SULF2: variants seen among roughly 807,000 people sequenced by gnomAD.
SULF2 encodes extracellular sulfatase Sulf-2.
A neutral mutation model predicts 107.7 loss-of-function variants in SULF2; 52 were observed. The ratio of observed to expected loss-of-function variants is 0.48; its 90% CI spans 0.39 to 0.61. The LOEUF is 0.61. Ranked by LOEUF, SULF2 falls within the 20% of genes least tolerant of loss-of-function variation. The pLI is 0.00. For missense variants in SULF2, 993 were observed against 1,177.3 expected (o/e 0.84, Z 2.29); for synonymous variants, 460 against 464.3 (o/e 0.99, Z 0.12).
At chr20:47,729,266 A>C (rs774036201) in intron 3 of SULF2, among the ~76,000 whole-genome samples, 45 of 152,118 alleles carry the variant, frequency 3.0e-4, no homozygotes, top group Non-Finnish European at 4.7e-4. Context: ...GAGGGTTCAG[A>C]GAGAAGGGAA....
intron 1 of SULF2, among the ~76,000 whole-genome samples, chr20:47,776,641 T>C (rs1002834490): frequency 6.6e-6 from 1 of 152,126 alleles, no homozygotes; most frequent in Non-Finnish European, 1.5e-5. Flanking sequence ...GAGCCCTCAT[T>C]AGAATGTCAC....
At chr20:47,743,783 T>C (rs1410686887) in intron 2 of SULF2, among the ~76,000 whole-genome samples, 1 of 152,158 alleles carries the variant, frequency 6.6e-6, no homozygotes, top group East Asian at 1.9e-4. Flanking sequence ...GTGCGCTCTC[T>C]CTCTAAGCTT....
At chr20:47,689,865 T>C (rs2088137164) in intron 5 of SULF2, 2 of 353,474 alleles carry the variant, frequency 5.7e-6, no homozygotes, top group African/African-American at 2.1e-5. Flanking sequence ...ACCTATTCTA[T>C]GCAGTTCCAT....
At chr20:47,766,391 G>C (rs529031617) in intron 1 of SULF2, among the ~76,000 whole-genome samples, 1 of 152,194 alleles carries the variant, frequency 6.6e-6, no homozygotes. Flanking sequence ...GAACCAAGCC[G>C]GCTCTCAAGA....
At chr20:47,747,749 C>T (rs776310737) in intron 2 of SULF2, among the ~76,000 whole-genome samples, 3 of 151,852 alleles carry the variant, frequency 2.0e-5, no homozygotes, top group Non-Finnish European at 2.9e-5. Flanking sequence ...CCAATCTGTT[C>T]CTCCTGCCCC....
chr20:47,690,830 T>C (rs1282514620), intron 4 of SULF2, among the ~76,000 whole-genome samples: 2 of 148,926 alleles, frequency 1.3e-5, no homozygotes, highest in Non-Finnish European at 3.0e-5. Context: ...GACTGCATGA[T>C]TGCACTCCAG....
chr20:47,703,323 C>G (rs1423786112), intron 3 of SULF2, among the ~76,000 whole-genome samples: 1 of 152,216 alleles, frequency 6.6e-6, no homozygotes, highest in Non-Finnish European at 1.5e-5. Context: ...CTACAGATGA[C>G]AAAGCTACAG....
In SULF2 at chr20:47,757,135, C is replaced by G. The variant is rs1600660562; in HGVS notation, c.175+54G>C. The G allele has an allele frequency of 6.1e-6, 9 of 1,480,034 alleles. No individual in the cohort carries two copies. In the East Asian group the frequency reaches 1.5e-4, roughly 25 times the overall value. 91.7% of individuals were successfully genotyped at this position (1,480,034 alleles called of 1,614,324 possible). ...CTTGCCTCAGGAGCCTCAGCCTAAC[C>G]CAGGGACCCTGCTCCGAGGGGCCGA... On this transcript the variant is annotated intron_variant, in intron 2 of 20. Transcript: ENST00000688720.
intron 3 of SULF2, among the ~76,000 whole-genome samples, chr20:47,733,315 T>C (rs1489321717): frequency 6.6e-6 from 1 of 152,204 alleles, no homozygotes; most frequent in Non-Finnish European, 1.5e-5. Context: ...TCAAATACTT[T>C]TGCAAAAATG....
intron 1 of SULF2, among the ~76,000 whole-genome samples, chr20:47,774,399 T>G (rs572456457): frequency 1.3e-5 from 2 of 152,242 alleles, no homozygotes; most frequent in African/African-American, 4.8e-5. Context: ...GTGCAGGCAT[T>G]GAGCCCAGGT....
chr20:47,759,101 G>A (rs1213495417), intron 1 of SULF2, among the ~76,000 whole-genome samples: 1 of 152,148 alleles, frequency 6.6e-6, no homozygotes, highest in African/African-American at 2.4e-5. Flanking sequence ...GGCAGGGGAG[G>A]GCACAGTGCC....
At chr20:47,696,628 A>G (rs2088388737) in intron 4 of SULF2, among the ~76,000 whole-genome samples, 1 of 152,208 alleles carries the variant, frequency 6.6e-6, no homozygotes, top group South Asian at 2.1e-4. Context: ...ACAGATACTT[A>G]ACAAATGAAT....
At chr20:47,685,372 G>C (rs142004938) in intron 5 of SULF2, 6 of 152,128 alleles carry the variant, frequency 3.9e-5, no homozygotes, top group Non-Finnish European at 7.3e-5. Flanking sequence ...CTACAGGCGC[G>C]TGCCACCACA....
chr20:47,706,083 G>A lies in SULF2; in HGVS notation c.416-3413C>T, dbSNP rs1018920272. 2.6e-5 allele frequency among the ~76,000 whole-genome samples: 4 copies of A among 152,070 alleles called. No individual in the cohort carries two copies. The East Asian group carries it at 7.7e-4, about 29-fold the overall frequency. On this transcript the variant is annotated intron_variant, in intron 3 of 20. Coordinates refer to ENST00000688720, the MANE Select transcript of SULF2 (RefSeq NM_001387048.1). ...CAAAGTTCTGGGACTACAGATGTGAGCCACCATACGTCGCTGAGAAACCCT... is the reference window on the plus strand; with the variant it reads ...CAAAGTTCTGGGACTACAGATGTGAACCACCATACGTCGCTGAGAAACCCT...
At chr20:47,662,828 G>A (rs922032103) in intron 17 of SULF2, among the ~76,000 whole-genome samples, 1 of 120,648 alleles carries the variant, frequency 8.3e-6, no homozygotes. Context: ...TAAGTTAGAG[G>A]GAAGAAGCCA....
intron 4 of SULF2, among the ~76,000 whole-genome samples, chr20:47,699,488 G>A (rs1432160487): frequency 6.6e-6 from 1 of 151,920 alleles, no homozygotes; most frequent in Non-Finnish European, 1.5e-5. Context: ...ACATGATTAA[G>A]TATGCAAGGG....
chr20:47,713,509 G>A (rs545420497), intron 3 of SULF2, among the ~76,000 whole-genome samples: 2 of 152,244 alleles, frequency 1.3e-5, no homozygotes, highest in Non-Finnish European at 1.5e-5. Flanking sequence ...TGACTCCTTG[G>A]GCAAGCGAGT....
intron 11 of SULF2, among the ~76,000 whole-genome samples, chr20:47,670,659 GAGAATGGGGTGAC>G: frequency 1.2e-5 from 1 of 82,426 alleles, no homozygotes; most frequent in African/African-American, 4.9e-5. Flanking sequence ...GAACGGGTGG[GAGAATGGGGTGAC>G]AGCAGGGTGG....
chr20:47,716,437 G>A (rs6122607), intron 3 of SULF2, among the ~76,000 whole-genome samples: 71 of 152,070 alleles, frequency 4.7e-4, no homozygotes, highest in African/African-American at 1.7e-3. Flanking sequence ...CCCAGGAGGT[G>A]GAGGTTGCAG....
Sources: gnomAD v4.1 joint callset for allele counts (sites outside exome capture counted in the v4.1 genomes callset) on GRCh38, gnomAD v4.1.1 for gene constraint, MANE v1.5 for transcripts, NCBI Gene and HGNC (gene_info 2026-07-23, HGNC 2026-07-21) for gene names.